The following PPP2R5C variants were observed in gnomAD, a reference collection of about 807,000 sequenced individuals.
PPP2R5C encodes the protein serine/threonine-protein phosphatase 2A 56 kDa regulatory subunit gamma isoform.
PPP2R5C carries 7 observed loss-of-function variants against 68.9 expected under a neutral mutation model. The observed-to-expected ratio is 0.10, with a 90% confidence interval of 0.06 to 0.19. PPP2R5C has a LOEUF of 0.19. Ranked by LOEUF, PPP2R5C falls within the 10% of genes least tolerant of loss-of-function variation. The probability of loss-of-function intolerance (pLI) is 1.00; values close to 1 mark genes in which losing one functional copy is unlikely to be tolerated. For synonymous variants in PPP2R5C, 210 were observed against 222.2 expected, an observed-to-expected ratio of 0.95 and a Z score of 0.49; for missense variants, 348 against 641.3, an observed-to-expected ratio of 0.54 and a Z score of 4.94.
chr14:101,895,841 G>C (rs1350301354), intron 8 of PPP2R5C, among the ~76,000 whole-genome samples: 1 of 152,132 alleles, frequency 6.6e-6, no homozygotes, highest in East Asian at 1.9e-4. Context: ...TCCAGGAGTG[G>C]AATTGCTGAA....
At chr14:101,802,950 T>TA (rs1249513173) in intron 3 of PPP2R5C, among the ~76,000 whole-genome samples, 8 of 115,746 alleles carry the variant, frequency 6.9e-5, no homozygotes, top group African/African-American at 2.7e-4. Context: ...TGGCTACTAT[T>TA]TAAAAAAAAA....
rs1179263696 is a variant in PPP2R5C, at chr14:101,879,595, GGCTCTGCCCTCCCCACACTGT to G, written c.295-2556_295-2536del. ...CTCTGCCACCCAGAGTTCGTGCCCAGGCTCTGCCCTCCCCACACTGTGCTCTGCCCCTGTCGGCACCAGGCC... is the reference window on the plus strand; with the variant it reads ...CTCTGCCACCCAGAGTTCGTGCCCAGGCTCTGCCCCTGTCGGCACCAGGCC... On this transcript the variant is annotated intron_variant, in intron 2 of 13. Transcript: ENST00000334743. The surrounding 1 kb of genome is among the most constrained non-coding windows in gnomAD (Gnocchi z 4.2). 5.9e-5 allele frequency among the ~76,000 whole-genome samples: 9 copies of G among 152,308 alleles called. 1 individual carries two copies. The South Asian group carries it at 1.7e-3, about 28-fold the overall frequency.
intron 1 of PPP2R5C, among the ~76,000 whole-genome samples, chr14:101,829,789 G>T (rs2040625617): frequency 6.6e-6 from 1 of 152,146 alleles, no homozygotes; most frequent in Non-Finnish European, 1.5e-5. Context: ...CCTGCCCCCA[G>T]CTCATCCTTA....
intron 1 of PPP2R5C, among the ~76,000 whole-genome samples, chr14:101,838,447 A>T (rs2041255544): frequency 6.6e-6 from 1 of 152,274 alleles, no homozygotes; most frequent in South Asian, 2.1e-4. Context: ...CAAGAATGAT[A>T]TAAAGAATTT....
At chr14:101,791,567 C>T (rs1016896107) in intron 3 of PPP2R5C, among the ~76,000 whole-genome samples, 3 of 151,984 alleles carry the variant, frequency 2.0e-5, no homozygotes, top group African/African-American at 7.2e-5. Context: ...AGTTTTGAAA[C>T]GCTTATTCTC....
chr14:101,785,177 GC>G (rs2038035267), intron 2 of PPP2R5C, among the ~76,000 whole-genome samples: 1 of 152,134 alleles, frequency 6.6e-6, no homozygotes, highest in Non-Finnish European at 1.5e-5. Flanking sequence ...TCAAGGGGAG[GC>G]ACTCAGATGG....
rs1042469705 is a variant in PPP2R5C, at chr14:101,825,883, A to C, written c.94+15847A>C. 6.6e-6 allele frequency among the ~76,000 whole-genome samples: 1 copy of C among 152,158 alleles called. No individual in the cohort carries two copies. The highest frequency in any genetic ancestry group is 2.4e-5 in the African/African-American group (1 of 41,438). ...ATGGCTTTGGTTTTTCTGGTGGTCC[A>C]AGAGAGGAGGCCTCTAGAGAATTGA... On this transcript the variant is annotated intron_variant, in intron 1 of 13. Transcript: ENST00000334743. The surrounding 1 kb of genome is among the most constrained non-coding windows in gnomAD (Gnocchi z 4.0).
chr14:101,848,307 C>T (rs1220970738), intron 1 of PPP2R5C, among the ~76,000 whole-genome samples: 4 of 151,824 alleles, frequency 2.6e-5, no homozygotes, highest in Non-Finnish European at 5.9e-5. Context: ...CCAAGGCAGG[C>T]GGATCACAAG....
intron 2 of PPP2R5C, among the ~76,000 whole-genome samples, chr14:101,875,921 C>G (rs978508143): frequency 1.3e-5 from 2 of 152,176 alleles, no homozygotes; most frequent in African/African-American, 2.4e-5. Flanking sequence ...GGCCTTGTAA[C>G]TAGGTCAGTA....
At chr14:101,827,788 C>A (rs1219650150) in intron 1 of PPP2R5C, among the ~76,000 whole-genome samples, 1 of 152,136 alleles carries the variant, frequency 6.6e-6, no homozygotes, top group Non-Finnish European at 1.5e-5. Context: ...ACAGGACTTA[C>A]CTGTCAAAGG....
At chr14:101,804,882 C>A (rs1468549814) in intron 3 of PPP2R5C, among the ~76,000 whole-genome samples, 2 of 152,168 alleles carry the variant, frequency 1.3e-5, no homozygotes, top group African/African-American at 4.8e-5. Flanking sequence ...GTTTGTAACT[C>A]AAAGGATAAA....
At chr14:101,786,567 TAGTAG>T (rs1239049664) in intron 3 of PPP2R5C, among the ~76,000 whole-genome samples, 1 of 152,228 alleles carries the variant, frequency 6.6e-6, no homozygotes, top group Non-Finnish European at 1.5e-5. Context: ...GTAAAAATTA[TAGTAG>T]AAGTTCCCTA....
At chr14:101,871,285 A>G (rs1210525774) in intron 2 of PPP2R5C, among the ~76,000 whole-genome samples, 3 of 151,948 alleles carry the variant, frequency 2.0e-5, no homozygotes, top group Non-Finnish European at 4.4e-5. Context: ...TCTGTCACCC[A>G]GGCTGGAGTG....
chr14:101,853,227 G>A (rs1377961006), intron 1 of PPP2R5C, among the ~76,000 whole-genome samples: 2 of 151,492 alleles, frequency 1.3e-5, no homozygotes, highest in East Asian at 3.9e-4. Context: ...CCAATTCATT[G>A]TTACAGGTTT....
intron 1 of PPP2R5C, among the ~76,000 whole-genome samples, chr14:101,834,583 G>A (rs577597704): frequency 8.8e-4 from 134 of 152,292 alleles, no homozygotes; most frequent in African/African-American, 3.0e-3. Context: ...TCACTGGTGC[G>A]TTGCCAGCCC....
rs1010680504 is a variant in PPP2R5C at position 101,879,096 on chromosome 14, G to A, written c.295-3065G>A. 12 of 152,452 alleles carry A rather than the reference G, an allele frequency of 7.9e-5. No individual in the cohort carries two copies. The East Asian group carries it at 2.1e-3, about 27-fold the overall frequency. The allele number at this position is 152,452 out of a possible 1,614,324, so 9.4% of individuals were successfully genotyped here. A position where few individuals can be genotyped will look rare whatever the true frequency, so the allele number is the denominator to read the frequency against. ...CAAATGGCATCTAAGCCGCACCCCA[G>A]GCAGCCTGGCCAGGGAGGGACATGC... On this transcript the variant is annotated intron_variant, in intron 2 of 13. Coordinates refer to ENST00000334743, the Ensembl canonical transcript of PPP2R5C. The surrounding 1 kb of genome is among the most constrained non-coding windows in gnomAD (Gnocchi z 4.2).
At chr14:101,764,843 C>G (rs2036769881) in intron 2 of PPP2R5C, among the ~76,000 whole-genome samples, 1 of 128,936 alleles carries the variant, frequency 7.8e-6, no homozygotes, top group Non-Finnish European at 1.6e-5. Flanking sequence ...TTCATTAAAA[C>G]TGCTAAGATT....
At chr14:101,837,486 A>T (rs1027792486) in intron 1 of PPP2R5C, among the ~76,000 whole-genome samples, 2 of 152,216 alleles carry the variant, frequency 1.3e-5, no homozygotes, top group Non-Finnish European at 2.9e-5. Context: ...ATACTAGCTT[A>T]CAGAGGAAAC....
rs200849159 is a variant in PPP2R5C at position 101,822,058 on chromosome 14, A to AC, written c.94+12026dup. ...ACGTTGAGGTCTTATTAATGTAGTGACCCCACCACCACCACCCCCTGCCCC... is the reference window on the plus strand; with the variant it reads ...ACGTTGAGGTCTTATTAATGTAGTGACCCCCACCACCACCACCCCCTGCCCC... On this transcript the variant is annotated intron_variant, in intron 1 of 13. Coordinates refer to ENST00000334743, the Ensembl canonical transcript of PPP2R5C. Among the ~76,000 whole-genome samples, 335 of 137,716 alleles carry AC rather than the reference A, an allele frequency of 2.4e-3. 2 individuals carry two copies. The highest frequency in any genetic ancestry group is 8.3e-3 in the African/African-American group (285 of 34,190). 90.3% of individuals were successfully genotyped at this position (137,716 alleles called of 152,430 possible).
Sources: allele counts gnomAD v4.1 joint callset (sites outside exome capture counted in the v4.1 genomes callset), GRCh38; gene constraint gnomAD v4.1.1; non-coding constraint Gnocchi (gnomAD v3.1); transcripts MANE v1.5; gene names NCBI Gene and HGNC (gene_info 2026-07-23, HGNC 2026-07-21).